The following CYP7B1 variants were observed in gnomAD, a reference collection of about 807,000 sequenced individuals.
The protein encoded by CYP7B1 is cytochrome P450 family 7 subfamily B member 1, also known as cytochrome P450 7B1.
Under a neutral mutation model 42.7 loss-of-function variants are expected in CYP7B1, and 29 were observed. The observed-to-expected ratio is 0.68, with a 90% CI of 0.51 to 0.93. The LOEUF (loss-of-function observed/expected upper bound fraction) is 0.93. Ranked by LOEUF, CYP7B1 falls within the 40% of genes least tolerant of loss-of-function variation. The pLI is 0.00. For missense variants in CYP7B1, 655 were observed against 600.5 expected, an observed-to-expected ratio of 1.09 and a Z score of -0.95; for synonymous variants, 235 against 218.2, an observed-to-expected ratio of 1.08 and a Z score of -0.68.
intron 1 of CYP7B1, among the ~76,000 whole-genome samples, chr8:64,708,104 A>C (rs548741042): frequency 1.3e-5 from 2 of 152,256 alleles, no homozygotes; most frequent in East Asian, 3.9e-4. Flanking sequence ...GTGTTATGTA[A>C]GTTTGCTTCA....
At chr8:64,683,271 G>A (rs1415203179) in intron 1 of CYP7B1, among the ~76,000 whole-genome samples, 2 of 152,216 alleles carry the variant, frequency 1.3e-5, no homozygotes, top group African/African-American at 4.8e-5. Flanking sequence ...TAAAAAGAAT[G>A]AGATCCTGTC....
intron 1 of CYP7B1, among the ~76,000 whole-genome samples, chr8:64,710,145 T>A (rs995272719): frequency 6.6e-6 from 1 of 152,174 alleles, no homozygotes; most frequent in Non-Finnish European, 1.5e-5. Flanking sequence ...AATCTATCCA[T>A]CCCTCCTAGC....
chr8:64,643,184 T>TATATATACATATATACATATATATAC (rs1563374425), intron 1 of CYP7B1, among the ~76,000 whole-genome samples: 4 of 38,212 alleles, frequency 1.0e-4, no homozygotes, highest in African/African-American at 1.6e-4. Context: ...TATATATACA[T>TATATATACATATATACATATATATAC]ATATATATAC....
intron 4 of CYP7B1, among the ~76,000 whole-genome samples, chr8:64,613,353 T>C (rs1805388465): frequency 6.6e-6 from 1 of 152,160 alleles, no homozygotes; most frequent in African/African-American, 2.4e-5. Context: ...ATACTGAAAT[T>C]TAAAAATGAT....
Position 64,790,944 on chromosome 8 carries a change from G to A in CYP7B1, c.122+7522C>T, listed in dbSNP as rs532164341. Among the ~76,000 whole-genome samples the A allele has an allele frequency of 5.3e-5, 8 of 152,226 alleles. No homozygotes were observed. The South Asian group carries it at 6.2e-4, about 12-fold the overall frequency. On this transcript the variant is annotated intron_variant, in intron 1 of 5. Transcript: ENST00000310193. ...TATAACTAGTATCCATACAAAGAGG[G>A]GAAATGTAGACACAGACACAAACAC...
At chr8:64,600,633 C>T (rs1054086452) in intron 5 of CYP7B1, among the ~76,000 whole-genome samples, 5 of 152,128 alleles carry the variant, frequency 3.3e-5, no homozygotes, top group African/African-American at 9.7e-5. Context: ...GTGCTGCAGA[C>T]AGTTTGACCA....
At chr8:64,770,297 G>A (rs1804199976) in intron 1 of CYP7B1, among the ~76,000 whole-genome samples, 2 of 152,134 alleles carry the variant, frequency 1.3e-5, no homozygotes, top group Non-Finnish European at 1.5e-5. Context: ...AAGTTTCAGA[G>A]TTGGAATAGA....
chr8:64,596,788 T>C lies in CYP7B1; in HGVS notation c.1375A>G (p.Ile459Val). 6.2e-7 allele frequency: 1 copy of C among 1,614,126 alleles called. No homozygotes were observed. Among genetic ancestry groups the C allele is most frequent in the Non-Finnish European group, 8.5e-7 (1 of 1,179,998 alleles). The change falls in exon 6 of 6, where the codon ATA becomes GTA. Residue 459 changes from isoleucine (I) to valine (V), a missense_variant. Coordinates refer to ENST00000310193, the MANE Select transcript of CYP7B1 (RefSeq NM_004820.5). ...AAAAGTATAACCAACAATTGTTTTA[T>C]TTCCATAAGTGCAAAAAATCGGCCT... ...CPGRFFALME[I>V]KQLLVILLTY...
At chr8:64,644,132 G>A (rs1034446106) in intron 1 of CYP7B1, among the ~76,000 whole-genome samples, 1 of 152,026 alleles carries the variant, frequency 6.6e-6, no homozygotes, top group Non-Finnish European at 1.5e-5. Context: ...AATTAGCCGG[G>A]TGTGGTGGTG....
chr8:64,637,911 C>T lies in CYP7B1; in HGVS notation c.123-13372G>A, dbSNP rs181553629. ...CCTGTAATTTTCATATAGCTCCTCT[C>T]CTATTTTCCATCACTTTATCTTTTG... On this transcript the variant is annotated intron_variant, in intron 1 of 5. Transcript: ENST00000310193. 2.0e-4 allele frequency among the ~76,000 whole-genome samples: 31 copies of T among 152,274 alleles called. No homozygotes were observed. The East Asian group carries it at 5.4e-3, about 27-fold the overall frequency.
chr8:64,697,984 A>G (rs1309682612), intron 1 of CYP7B1, among the ~76,000 whole-genome samples: 2 of 152,208 alleles, frequency 1.3e-5, no homozygotes, highest in African/African-American at 2.4e-5. Context: ...TTACGACAAT[A>G]CTTTTTGAAA....
At chr8:64,791,891 G>C (rs146271223) in intron 1 of CYP7B1, among the ~76,000 whole-genome samples, 9 of 152,174 alleles carry the variant, frequency 5.9e-5, no homozygotes, top group Non-Finnish European at 8.8e-5. Flanking sequence ...TGGAACAAAT[G>C]GTTAGTAGAA....
chr8:64,637,123 T>C (rs1312607370), intron 1 of CYP7B1, among the ~76,000 whole-genome samples: 1 of 152,220 alleles, frequency 6.6e-6, no homozygotes, highest in Non-Finnish European at 1.5e-5. Flanking sequence ...TATAAATGCA[T>C]AGTCAAGTTA....
chr8:64,670,376 A>C (rs912662720), intron 1 of CYP7B1, among the ~76,000 whole-genome samples: 4 of 152,134 alleles, frequency 2.6e-5, no homozygotes, highest in Non-Finnish European at 5.9e-5. Flanking sequence ...ATTTTTATAA[A>C]ATTTTTATAA....
chr8:64,695,599 ATTCCTTTTT>A lies in CYP7B1; in HGVS notation c.123-71069_123-71061del, dbSNP rs1300960484. Among the ~76,000 whole-genome samples the A allele has an allele frequency of 3.1e-5, 4 of 131,056 alleles. No homozygotes were observed. In the South Asian group the frequency reaches 7.6e-4, roughly 25 times the overall value. The allele number at this position is 131,056 out of a possible 152,430, so 86.0% of individuals were successfully genotyped here. ...AGAACAAAATAAAACATGTTATCAAATTCCTTTTTTTTTTTTTTTTTTTTTTTTTTAAGG... is the reference window on the plus strand; with the variant it reads ...AGAACAAAATAAAACATGTTATCAAATTTTTTTTTTTTTTTTTTTTTAAGG... On this transcript the variant is annotated intron_variant, in intron 1 of 5. Coordinates refer to ENST00000310193, the MANE Select transcript of CYP7B1 (RefSeq NM_004820.5).
At chr8:64,739,997 C>T (rs1012910934) in intron 1 of CYP7B1, among the ~76,000 whole-genome samples, 8 of 151,958 alleles carry the variant, frequency 5.3e-5, no homozygotes, top group Admixed American at 2.0e-4. Flanking sequence ...CACTAGACAA[C>T]CTACCCTGCA....
chr8:64,607,208 CT>C (rs1805295679), intron 4 of CYP7B1, among the ~76,000 whole-genome samples: 1 of 152,250 alleles, frequency 6.6e-6, no homozygotes, highest in African/African-American at 2.4e-5. Context: ...AGGTGCTAAA[CT>C]TCTTTGTGCA....
chr8:64,607,481 T>C (rs1487852063), intron 4 of CYP7B1, among the ~76,000 whole-genome samples: 2 of 152,166 alleles, frequency 1.3e-5, no homozygotes, highest in Non-Finnish European at 2.9e-5. Flanking sequence ...TCACATGCCT[T>C]CAAGCATTTG....
intron 1 of CYP7B1, among the ~76,000 whole-genome samples, chr8:64,670,515 T>C (rs886739055): frequency 2.0e-5 from 3 of 151,988 alleles, no homozygotes; most frequent in Non-Finnish European, 4.4e-5. Context: ...GAGTACAAAA[T>C]AGCTTAAATG....
Sources: gnomAD v4.1 joint callset for allele counts (sites outside exome capture counted in the v4.1 genomes callset) on GRCh38, gnomAD v4.1.1 for gene constraint, MANE v1.5 for transcripts, NCBI Gene and HGNC (gene_info 2026-07-23, HGNC 2026-07-21) for gene names.